SCHIP1: variants seen among roughly 807,000 people sequenced by gnomAD.
SCHIP1 encodes the protein schwannomin-interacting protein 1.
A neutral mutation model predicts 29.7 loss-of-function variants in SCHIP1; 8 were observed. That is an observed-to-expected ratio of 0.27 (90% CI 0.16 to 0.49). The LOEUF (loss-of-function observed/expected upper bound fraction) is 0.49, where lower values mean the gene tolerates loss of function less well. Ranked by LOEUF, SCHIP1 falls within the 20% of genes least tolerant of loss-of-function variation. SCHIP1 has a pLI of 0.99. For missense variants in SCHIP1, 193 were observed against 294.6 expected, an observed-to-expected ratio of 0.66 and a Z score of 2.52; for synonymous variants, 76 against 94.9, an observed-to-expected ratio of 0.80 and a Z score of 1.16.
chr3:159,511,237 G>A, the SCHIP1 span, among the ~76,000 whole-genome samples: 4 of 152,216 alleles, frequency 2.6e-5, no homozygotes, highest in African/African-American at 7.2e-5. Flanking sequence ...AGCAATGAGC[G>A]AGGCTCCATG....
the SCHIP1 span, among the ~76,000 whole-genome samples, chr3:159,421,413 C>T: frequency 6.6e-6 from 1 of 152,142 alleles, no homozygotes; most frequent in Non-Finnish European, 1.5e-5. Context: ...GTGGAGGAGA[C>T]TATCATATAC....
chr3:159,510,057 G>T, the SCHIP1 span, among the ~76,000 whole-genome samples: 5 of 152,320 alleles, frequency 3.3e-5, no homozygotes, highest in Non-Finnish European at 7.4e-5. Context: ...ATATCCTGCA[G>T]AGTGTTTTCC....
At chr3:159,327,558 G>A in the SCHIP1 span, among the ~76,000 whole-genome samples, 4 of 152,344 alleles carry the variant, frequency 2.6e-5, no homozygotes, top group African/African-American at 9.6e-5. Context: ...GGGGATGGGA[G>A]CTGTGGCAGA....
the SCHIP1 span, among the ~76,000 whole-genome samples, chr3:159,715,245 A>G: frequency 6.6e-6 from 1 of 152,218 alleles, no homozygotes; most frequent in Non-Finnish European, 1.5e-5. Flanking sequence ...CCATCTATAC[A>G]TCACCATCAT....
At chr3:159,679,140 A>G in the SCHIP1 span, among the ~76,000 whole-genome samples, 1 of 152,154 alleles carries the variant, frequency 6.6e-6, no homozygotes, top group African/African-American at 2.4e-5. Flanking sequence ...AATTTGAATC[A>G]TGACTGTCTC....
chr3:159,759,940 A>G, the SCHIP1 span, among the ~76,000 whole-genome samples: 1 of 152,208 alleles, frequency 6.6e-6, no homozygotes, highest in African/African-American at 2.4e-5. Context: ...TACAGATTAA[A>G]ATCCTATAAA....
the SCHIP1 span, among the ~76,000 whole-genome samples, chr3:159,281,029 C>G: frequency 6.6e-6 from 1 of 152,162 alleles, no homozygotes; most frequent in Non-Finnish European, 1.5e-5. Context: ...GCAATCGTGG[C>G]TGTGGAGGCT....
At chr3:159,546,288 TTTCTGGGG>T in the SCHIP1 span, among the ~76,000 whole-genome samples, 3 of 152,168 alleles carry the variant, frequency 2.0e-5, no homozygotes, top group African/African-American at 7.2e-5. Flanking sequence ...CTTAATCCAA[TTTCTGGGG>T]GAAAGGAGTA....
At chr3:159,574,901 C>T in the SCHIP1 span, among the ~76,000 whole-genome samples, 1 of 152,228 alleles carries the variant, frequency 6.6e-6, no homozygotes, top group Non-Finnish European at 1.5e-5. Context: ...GGGCATGGGA[C>T]CTGCCAAGAC....
At chr3:159,684,803 CAA>C in the SCHIP1 span, among the ~76,000 whole-genome samples, 31 of 64,754 alleles carry the variant, frequency 4.8e-4, no homozygotes, top group Non-Finnish European at 6.0e-4. Context: ...GACTCTGTTG[CAA>C]AAAAAAAAAA....
the SCHIP1 span, among the ~76,000 whole-genome samples, chr3:159,472,253 G>C: frequency 1.8e-4 from 27 of 152,248 alleles, no homozygotes; most frequent in African/African-American, 6.5e-4. Context: ...TGTGTGTAGA[G>C]AAAAAGACAG....
At chr3:159,419,794 C>A in the SCHIP1 span, among the ~76,000 whole-genome samples, 1 of 151,978 alleles carries the variant, frequency 6.6e-6, no homozygotes, top group African/African-American at 2.4e-5. Context: ...GGGCAGCAAA[C>A]GCTAAACTCC....
the SCHIP1 span, among the ~76,000 whole-genome samples, chr3:159,344,013 GTA>G: frequency 6.6e-6 from 1 of 152,304 alleles, no homozygotes; most frequent in South Asian, 2.1e-4. Context: ...AGGTTACTTA[GTA>G]ACAAACATAC....
chr3:159,335,703 A>G, the SCHIP1 span, among the ~76,000 whole-genome samples: 1 of 152,158 alleles, frequency 6.6e-6, no homozygotes, highest in African/African-American at 2.4e-5. Context: ...ATAGTATTCC[A>G]TGGTGTATAT....
chr3:159,431,309 G>C, the SCHIP1 span, among the ~76,000 whole-genome samples: 1 of 151,884 alleles, frequency 6.6e-6, no homozygotes, highest in African/African-American at 2.4e-5. Context: ...TGGTGGGGGA[G>C]TGCTCAAATG....
chr3:159,373,788 T>C, the SCHIP1 span, among the ~76,000 whole-genome samples: 3 of 152,150 alleles, frequency 2.0e-5, no homozygotes, highest in South Asian at 2.1e-4. Flanking sequence ...TATATGTATA[T>C]ACACACACAC....
chr3:159,875,969 A>T (rs1017459688), intron 2 of SCHIP1, among the ~76,000 whole-genome samples: 8 of 152,356 alleles, frequency 5.3e-5, no homozygotes, highest in Middle Eastern at 3.4e-3. Context: ...GAGATTTCTG[A>T]TGAGAACAGA....
chr3:159,487,616 G>A, the SCHIP1 span, among the ~76,000 whole-genome samples: 2 of 152,160 alleles, frequency 1.3e-5, no homozygotes, highest in East Asian at 1.9e-4. Flanking sequence ...TATCTGAGAA[G>A]GGAAGATAAA....
the SCHIP1 span, among the ~76,000 whole-genome samples, chr3:159,713,258 AAGAAAG>A: frequency 6.6e-6 from 1 of 151,036 alleles, no homozygotes; most frequent in Admixed American, 6.6e-5. Flanking sequence ...GAAAGAAAGA[AAGAAAG>A]AAAGAAAGAA....
Sources: allele counts gnomAD v4.1 joint callset (sites outside exome capture counted in the v4.1 genomes callset), GRCh38; gene constraint gnomAD v4.1.1; transcripts MANE v1.5; gene names NCBI Gene and HGNC (gene_info 2026-07-23, HGNC 2026-07-21).